ATG7: variants seen among roughly 807,000 people sequenced by gnomAD.
ATG7 encodes the protein autophagy related 7.
Under a neutral mutation model 82.4 loss-of-function variants are expected in ATG7, and 70 were observed. That is an observed-to-expected ratio of 0.85 (90% confidence interval 0.70 to 1.04). The LOEUF (loss-of-function observed/expected upper bound fraction) is 1.04. Among genes scored for constraint, ATG7 ranks in the 50% least tolerant of loss-of-function variants. The pLI, the probability that ATG7 is intolerant of heterozygous loss-of-function variation, is 0.00. For missense variants in ATG7, 792 were observed against 864.3 expected, an observed-to-expected ratio of 0.92 and a Z score of 1.05; for synonymous variants, 287 against 313.0, an observed-to-expected ratio of 0.92 and a Z score of 0.88.
At chr3:11,523,908 A>C (rs2092507182) in intron 20 of ATG7, among the ~76,000 whole-genome samples, 1 of 152,226 alleles carries the variant, frequency 6.6e-6, no homozygotes, top group Non-Finnish European at 1.5e-5. Flanking sequence ...CTTGTCTGGT[A>C]ATAACTGCAA....
At chr3:11,463,603 C>A (rs1005240423) in intron 20 of ATG7, among the ~76,000 whole-genome samples, 2 of 99,704 alleles carry the variant, frequency 2.0e-5, no homozygotes, top group African/African-American at 4.1e-5. Context: ...GACATAAACC[C>A]ACCTTGAATT....
At chr3:11,379,394 T>C (rs1166362131) in intron 18 of ATG7, among the ~76,000 whole-genome samples, 1 of 152,232 alleles carries the variant, frequency 6.6e-6, no homozygotes, top group Non-Finnish European at 1.5e-5. Flanking sequence ...TCAGTTGTAG[T>C]CCAGAATTTT....
chr3:11,364,870 CT>C, intron 18 of ATG7, 136 bp downstream of exon 18: 1 of 843,818 alleles, frequency 1.2e-6, no homozygotes, highest in African/African-American at 1.7e-5. Context: ...AATGGGAGAG[CT>C]TTCTGACCAC....
chr3:11,564,470 G>C, the ATG7 span, among the ~76,000 whole-genome samples: 84,212 of 151,800 alleles, frequency 0.55, 24,934 homozygotes, highest in African/African-American at 0.77. Flanking sequence ...AAGACTGCTG[G>C]AGGAAACACC....
chr3:11,571,369 C>T, the ATG7 span, among the ~76,000 whole-genome samples: 7 of 152,312 alleles, frequency 4.6e-5, no homozygotes, highest in African/African-American at 1.4e-4. Context: ...CATCCACCCA[C>T]GTAATGTTTC....
chr3:11,288,024 TA>T (rs199999326), intron 3 of ATG7, among the ~76,000 whole-genome samples: 2 of 152,004 alleles, frequency 1.3e-5, no homozygotes, highest in East Asian at 3.9e-4. Context: ...TTAAGGGTTG[TA>T]AAAAAAATAA....
chr3:11,511,668 C>T (rs569222213), intron 20 of ATG7, among the ~76,000 whole-genome samples: 2 of 152,182 alleles, frequency 1.3e-5, no homozygotes, highest in Admixed American at 6.5e-5. Context: ...CGGGGAGGCT[C>T]CGGCCGCACA....
chr3:11,378,738 A>ATTT (rs1197036229), intron 18 of ATG7, among the ~76,000 whole-genome samples: 1 of 144,416 alleles, frequency 6.9e-6, no homozygotes, highest in Non-Finnish European at 1.5e-5. Context: ...TCCAGGTTTG[A>ATTT]TTTTTTTCCA....
chr3:11,444,948 T>A (rs1331111652), intron 20 of ATG7, among the ~76,000 whole-genome samples: 1 of 152,144 alleles, frequency 6.6e-6, no homozygotes, highest in Non-Finnish European at 1.5e-5. Flanking sequence ...AAAAAGCATA[T>A]GTTAAAAAGC....
In ATG7 at chr3:11,369,547, A is replaced by G. The variant is rs991493760; in HGVS notation, c.1875+4813A>G. On this transcript the variant is annotated intron_variant, in intron 18 of 20. Coordinates refer to ENST00000693202, the MANE Select transcript of ATG7 (RefSeq NM_001349232.2). ...GTTCCATTTGCGTTTGGGGTAATCT[A>G]AGGTGATGGATGTATCCCAAGCCAT... 6.0e-5 allele frequency among the ~76,000 whole-genome samples: 9 copies of G among 151,084 alleles called. 1 individual carries two copies. The highest frequency in any genetic ancestry group is 1.3e-4 in the Non-Finnish European group (9 of 67,760).
chr3:11,343,580 TTA>T (rs776642796), intron 13 of ATG7, among the ~76,000 whole-genome samples: 108 of 152,308 alleles, frequency 7.1e-4, no homozygotes, highest in Middle Eastern at 3.4e-3. Flanking sequence ...CTTTATGTTA[TTA>T]TATGTGTCAG....
At chr3:11,326,445 C>T (rs1294295520) in intron 9 of ATG7, among the ~76,000 whole-genome samples, 1 of 152,090 alleles carries the variant, frequency 6.6e-6, no homozygotes, top group East Asian at 1.9e-4. Context: ...ACTACAGGTG[C>T]CCGCCATCAT....
At chr3:11,488,765 G>C (rs1429604090) in intron 20 of ATG7, among the ~76,000 whole-genome samples, 2 of 152,320 alleles carry the variant, frequency 1.3e-5, no homozygotes, top group Non-Finnish European at 2.9e-5. Flanking sequence ...ACTTGATCAT[G>C]GTGGATAGGC....
intron 20 of ATG7, among the ~76,000 whole-genome samples, chr3:11,549,407 G>C (rs936907008): frequency 5.3e-5 from 8 of 152,154 alleles, no homozygotes; most frequent in Non-Finnish European, 7.3e-5. Context: ...GTACAGTCCA[G>C]CATGATTAAC....
intron 20 of ATG7, among the ~76,000 whole-genome samples, chr3:11,488,768 G>A (rs1167784619): frequency 1.3e-5 from 2 of 152,202 alleles, no homozygotes; most frequent in Non-Finnish European, 2.9e-5. Flanking sequence ...TGATCATGGT[G>A]GATAGGCTTT....
At chr3:11,459,595 G>A (rs2086109289) in intron 20 of ATG7, among the ~76,000 whole-genome samples, 1 of 152,012 alleles carries the variant, frequency 6.6e-6, no homozygotes, top group Non-Finnish European at 1.5e-5. Context: ...GGAAGCCAGA[G>A]CCAACAGGGA....
chr3:11,431,278 G>T (rs966416643), intron 20 of ATG7, among the ~76,000 whole-genome samples: 1 of 152,246 alleles, frequency 6.6e-6, no homozygotes, highest in African/African-American at 2.4e-5. Flanking sequence ...GCATGTGCCT[G>T]TAATCCCAGC....
chr3:11,417,538 G>A (rs890005408), intron 19 of ATG7, among the ~76,000 whole-genome samples: 12 of 151,792 alleles, frequency 7.9e-5, no homozygotes, highest in African/African-American at 2.9e-4. Flanking sequence ...TTCCATCTAC[G>A]TTTAATGAAT....
At chr3:11,331,984 T>C (rs777735824) in intron 10 of ATG7, among the ~76,000 whole-genome samples, 18 of 152,200 alleles carry the variant, frequency 1.2e-4, no homozygotes, top group Admixed American at 3.9e-4. Flanking sequence ...GGGCAGTATC[T>C]ACCAAAATTA....
Sources: gnomAD v4.1 joint callset for allele counts (sites outside exome capture counted in the v4.1 genomes callset) on GRCh38, gnomAD v4.1.1 for gene constraint, MANE v1.5 for transcripts, NCBI Gene and HGNC (gene_info 2026-07-23, HGNC 2026-07-21) for gene names.